METAP1D: variants seen among roughly 807,000 people sequenced by gnomAD.
The protein encoded by METAP1D is methionyl aminopeptidase type 1D, mitochondrial.
A neutral mutation model predicts 40.5 loss-of-function variants in METAP1D; 31 were observed. The ratio of observed to expected loss-of-function variants is 0.77; its 90% CI spans 0.58 to 1.03. The LOEUF (loss-of-function observed/expected upper bound fraction) is 1.03, where lower values mean the gene tolerates loss of function less well. METAP1D is among the 50% of genes least tolerant of loss of function. The probability of loss-of-function intolerance (pLI) is 0.00; values close to 1 mark genes in which losing one functional copy is unlikely to be tolerated. For synonymous variants in METAP1D, 151 were observed against 146.4 expected, an observed-to-expected ratio of 1.03 and a Z score of -0.22; for missense variants, 411 against 420.7, an observed-to-expected ratio of 0.98 and a Z score of 0.20.
intron 1 of METAP1D, among the ~76,000 whole-genome samples, chr2:172,060,181 C>A (rs141382343): frequency 2.0e-5 from 3 of 152,122 alleles, no homozygotes; most frequent in Non-Finnish European, 4.4e-5. Flanking sequence ...TTTGGGAGGC[C>A]GAGGTGGGAG....
intron 5 of METAP1D, among the ~76,000 whole-genome samples, chr2:172,069,554 C>T (rs1368387073): frequency 1.3e-5 from 2 of 152,148 alleles, no homozygotes; most frequent in Non-Finnish European, 2.9e-5. Flanking sequence ...TCATTATTAA[C>T]ATTCAAACTA....
At chr2:172,064,153 A>C in intron 3 of METAP1D, 1 of 233,614 alleles carries the variant, frequency 4.3e-6, no homozygotes, top group African/African-American at 2.3e-5. Flanking sequence ...TCAATGGCAG[A>C]CAGCTTTGAT....
chr2:172,035,154 T>TGTTTGTTTG (rs35965969), intron 1 of METAP1D, among the ~76,000 whole-genome samples: 6 of 150,086 alleles, frequency 4.0e-5, no homozygotes, highest in African/African-American at 1.5e-4. Flanking sequence ...TGTGTTTTTT[T>TGTTTGTTTG]TTTGTTTGTT....
At chr2:172,009,886 A>G (rs1558992172) in intron 1 of METAP1D, among the ~76,000 whole-genome samples, 1 of 152,152 alleles carries the variant, frequency 6.6e-6, no homozygotes, top group Non-Finnish European at 1.5e-5. Flanking sequence ...AGAAATCATC[A>G]TGACCTGGTG....
chr2:172,035,399 C>T (rs1007047115), intron 1 of METAP1D, among the ~76,000 whole-genome samples: 1 of 151,846 alleles, frequency 6.6e-6, no homozygotes, highest in Non-Finnish European at 1.5e-5. Flanking sequence ...CTCCTGACCT[C>T]GTGATCCTAC....
At chr2:172,016,252 G>A (rs1688851184) in intron 1 of METAP1D, among the ~76,000 whole-genome samples, 1 of 112,376 alleles carries the variant, frequency 8.9e-6, no homozygotes, top group Non-Finnish European at 1.7e-5. Context: ...CTCCAGCCTG[G>A]GTGACAGAGT....
chr2:172,013,332 C>A (rs1311051066), intron 1 of METAP1D, among the ~76,000 whole-genome samples: 2 of 152,180 alleles, frequency 1.3e-5, no homozygotes, highest in Non-Finnish European at 2.9e-5. Context: ...CCAGCATCTA[C>A]GCATCTGCCC....
chr2:172,030,078 TTTTA>T (rs1553491883), intron 1 of METAP1D, among the ~76,000 whole-genome samples: 1 of 149,870 alleles, frequency 6.7e-6, no homozygotes, highest in Non-Finnish European at 1.5e-5. Flanking sequence ...TTTTATTTTA[TTTTA>T]TTTATTTATT....
At position 172,041,723 on chromosome 2, in the gene METAP1D, A is replaced by AT. The variant is rs1230722166; in HGVS notation, c.41-19771dup. Among the ~76,000 whole-genome samples the AT allele has an allele frequency of 1.7e-3, 44 of 25,446 alleles. 5 individuals are homozygous for AT. The highest frequency in any genetic ancestry group is 3.9e-3 in the Non-Finnish European group (41 of 10,542). 16.7% of individuals were successfully genotyped at this position (25,446 alleles called of 152,430 possible). A position where few individuals can be genotyped will look rare whatever the true frequency, so the allele number is the denominator to read the frequency against. ...ACGTTTTAATTTCCTTACTCTAATT[A>AT]TTTTATATATATATATATATATATA... is the stretch of plus-strand genomic sequence containing the variant. On this transcript the variant is annotated intron_variant, in intron 1 of 9. Coordinates refer to ENST00000315796, the MANE Select transcript of METAP1D (RefSeq NM_199227.3).
chr2:172,078,683 GGC>G (rs1460263943), intron 7 of METAP1D, among the ~76,000 whole-genome samples: 172 of 152,194 alleles, frequency 1.1e-3, no homozygotes, highest in Non-Finnish European at 2.2e-3. Flanking sequence ...CCCCCACCTA[GGC>G]AGCTCAAGAG....
At chr2:172,034,969 ATTGT>A (rs1380940254) in intron 1 of METAP1D, among the ~76,000 whole-genome samples, 41 of 148,694 alleles carry the variant, frequency 2.8e-4, no homozygotes, top group Middle Eastern at 6.9e-3. Flanking sequence ...AGAAACCCTG[ATTGT>A]TAGAATTTTT....
At chr2:172,059,140 G>C (rs1219539626) in intron 1 of METAP1D, among the ~76,000 whole-genome samples, 1 of 144,238 alleles carries the variant, frequency 6.9e-6, no homozygotes, top group African/African-American at 2.6e-5. Context: ...ACAGAGTCTT[G>C]CTCTGTCACC....
chr2:172,042,950 C>T lies in METAP1D; in HGVS notation c.41-18548C>T, dbSNP rs1240159900. Among the ~76,000 whole-genome samples, 3 of 125,278 alleles carry T rather than the reference C, an allele frequency of 2.4e-5. 1 individual carries two copies. The highest frequency in any genetic ancestry group is 7.8e-5 in the Admixed American group (1 of 12,820). The allele number at this position is 125,278 out of a possible 152,430, so 82.2% of individuals were successfully genotyped here. On this transcript the variant is annotated intron_variant, in intron 1 of 9. Transcript: ENST00000315796. Reference sequence around the variant, plus strand: ...GTACATGTGTATACACGTATGCGTACCTGTGTATATATATGCGTACATGTG... The same window carrying T: ...GTACATGTGTATACACGTATGCGTATCTGTGTATATATATGCGTACATGTG...
chr2:172,069,551 T>G (rs1481875124), intron 5 of METAP1D, among the ~76,000 whole-genome samples: 1 of 152,220 alleles, frequency 6.6e-6, no homozygotes, highest in Non-Finnish European at 1.5e-5. Context: ...GTTTCATTAT[T>G]AACATTCAAA....
chr2:172,045,817 GTGTATATA>G lies in METAP1D; in HGVS notation c.41-15679_41-15672del, dbSNP rs1372446694. Among the ~76,000 whole-genome samples, 43 of 16,334 alleles carry G rather than the reference GTGTATATA, an allele frequency of 2.6e-3. 1 individual carries two copies. The highest frequency in any genetic ancestry group is 6.8e-3 in the African/African-American group (28 of 4,106). 10.7% of individuals were successfully genotyped at this position (16,334 alleles called of 152,430 possible). A position where few individuals can be genotyped will look rare whatever the true frequency, so the allele number is the denominator to read the frequency against. ...TATATATGTGTGTGTGTGTGTGTGT[GTGTATATA>G]TATATATATATATATATATATATAT... On this transcript the variant is annotated intron_variant, in intron 1 of 9. Transcript: ENST00000315796.
In METAP1D at chr2:172,065,609, C is replaced by T; in HGVS notation, c.354C>T (p.Asp118=). ...LLLAGKSLKV[D]MTTEEIDALV... ...TTCTTTATTTAACATTTTAGGTTGA[C>T]ATGACAACTGAAGAGATAGATGCTC... The change falls in exon 4 of 10, where the codon GAC becomes GAT. Residue 118 remains aspartate (D), a synonymous_variant. Coordinates refer to ENST00000315796, the MANE Select transcript of METAP1D (RefSeq NM_199227.3). 1.2e-6 allele frequency: 2 copies of T among 1,612,484 alleles called. No homozygotes were observed. The highest frequency in any genetic ancestry group is 1.1e-5 in the South Asian group (1 of 90,578).
rs1439361047 is a variant in METAP1D at position 172,080,201 on chromosome 2, T to C, written c.924T>C (p.Asn308=). The C allele has an allele frequency of 1.9e-6, 3 of 1,614,214 alleles. No homozygotes were observed. Residue 308 remains asparagine, a synonymous_variant, in exon 9 of 10, where the codon AAT becomes AAC. Transcript: ENST00000315796. ...CATGGACTGTGGTCTCCCTAGACAA[T>C]CAAAGGTGTTTGCTTTCTGCTCTGT... ...EDAWTVVSLD[N]QRSAQFEHTV...
Position 172,065,659 on chromosome 2 carries a change from A to G in METAP1D, c.404A>G (p.His135Arg), listed in dbSNP as rs1690258092. 3 of 1,613,936 alleles carry G rather than the reference A, an allele frequency of 1.9e-6. No homozygotes were observed. The highest frequency in any genetic ancestry group is 2.7e-5 in the African/African-American group (2 of 74,936). The part of the protein sequence containing the change: ...DALVHREIIS[H>R]NAYPSPLGYG... ...CTTGTTCATCGGGAAATCATCAGTC[A>G]TAATGCCTATCCCTCACCTCTAGGC... The change falls in exon 4 of 10, where the codon CAT becomes CGT. Residue 135 changes from histidine (H) to arginine (R), a missense_variant. Transcript: ENST00000315796.
intron 1 of METAP1D, among the ~76,000 whole-genome samples, chr2:172,016,508 C>T (rs1375819523): frequency 6.6e-6 from 1 of 151,048 alleles, no homozygotes; most frequent in Non-Finnish European, 1.5e-5. Context: ...GTAATCCCAG[C>T]TACTTGGGAG....
Sources: gnomAD v4.1 joint callset for allele counts (sites outside exome capture counted in the v4.1 genomes callset) on GRCh38, gnomAD v4.1.1 for gene constraint, MANE v1.5 for transcripts, NCBI Gene and HGNC (gene_info 2026-07-23, HGNC 2026-07-21) for gene names.